AMY2B: variants seen among roughly 807,000 people sequenced by gnomAD.
The protein encoded by AMY2B is alpha-amylase 2B.
In AMY2B, 63 loss-of-function variants were observed where a neutral mutation model predicts 59.3. The observed-to-expected ratio is 1.06, with a 90% CI of 0.87 to 1.31. The LOEUF (loss-of-function observed/expected upper bound fraction) is 1.31. Among genes scored for constraint, AMY2B ranks in the 50% most tolerant of loss-of-function variants. The pLI, the probability that AMY2B is intolerant of heterozygous loss-of-function variation, is 0.00. For synonymous variants in AMY2B, 180 were observed against 198.1 expected (o/e 0.91, Z 0.77); for missense variants, 635 against 626.7 (o/e 1.01, Z -0.14).
upstream of AMY2B, chr1:103,554,655 G>A (rs948293350): frequency 8.5e-5 from 13 of 152,456 alleles, no homozygotes; most frequent in African/African-American, 1.4e-4. Context: ...AAAATGATTA[G>A]GTACCTAGTA....
At chr1:103,573,668 G>C (rs751575730) in intron 3 of AMY2B, 40 bp from the exon 4 acceptor site, 1 of 1,610,842 alleles carries the variant, frequency 6.2e-7, no homozygotes, top group East Asian at 2.2e-5. Flanking sequence ...TGTGAAAAAT[G>C]AGGTTTTATG....
intron 1 of AMY2B, among the ~76,000 whole-genome samples, chr1:103,559,817 G>A (rs151255562): frequency 1.3e-5 from 2 of 152,072 alleles, no homozygotes; most frequent in African/African-American, 2.4e-5. Flanking sequence ...GTGACAAAAG[G>A]TACTATAATA....
At chr1:103,571,124 CAAGCCATA>C, upstream of AMY2B, 1 of 962,598 alleles carries the variant, frequency 1.0e-6, no homozygotes, top group Non-Finnish European at 1.3e-6. Context: ...TTGGAAAGTC[CAAGCCATA>C]GGACCCAGTT....
At chr1:103,565,219 G>A (rs1651869223) in intron 1 of AMY2B, 1 of 152,184 alleles carries the variant, frequency 6.6e-6, no homozygotes, top group Non-Finnish European at 1.5e-5. Flanking sequence ...ATCTACAGAT[G>A]CTCAAGTGCC....
chr1:103,570,833 G>C (rs181682266), upstream of AMY2B: 2 of 417,706 alleles, frequency 4.8e-6, no homozygotes, highest in East Asian at 6.9e-5. Flanking sequence ...ATCAGCACTG[G>C]ATTGTAGAAC....
chr1:103,567,547 C>G (rs1384201282), upstream of AMY2B, among the ~76,000 whole-genome samples: 3 of 152,122 alleles, frequency 2.0e-5, no homozygotes, highest in African/African-American at 7.2e-5. Flanking sequence ...TGAAATATAC[C>G]TTGTCTATGC....
chr1:103,574,039 C>T, intron 4 of AMY2B, 101 bp downstream of exon 4: 1 of 1,583,584 alleles, frequency 6.3e-7, no homozygotes, highest in Non-Finnish European at 8.6e-7. Flanking sequence ...AGGACTGAGT[C>T]ATTTATATAA....
At position 103,579,447 on chromosome 1, in the gene AMY2B, A is replaced by C; in HGVS notation, c.1483A>C (p.Ser495Arg). 1.2e-6 allele frequency: 2 copies of C among 1,611,754 alleles called. No homozygotes were observed. Among genetic ancestry groups the C allele is most frequent in the Non-Finnish European group, 1.7e-6 (2 of 1,179,684 alleles). ...CGATGGCAAAGCTCATTTTTCTATT[A>C]GTAACTCTGCTGAGGATCCATTTAT... is the stretch of plus-strand genomic sequence containing the variant. ...SDDGKAHFSISNSAEDPFIAI... is the reference protein window; with the variant it reads ...SDDGKAHFSIRNSAEDPFIAI... Residue 495 changes from serine to arginine, a missense_variant, in exon 10 of 10, where the codon AGT (serine) becomes CGT (arginine). Transcript: ENST00000684275.
At chr1:103,572,013 C>G in intron 1 of AMY2B, 97 bp from the exon 2 acceptor site, 1 of 1,583,758 alleles carries the variant, frequency 6.3e-7, no homozygotes, top group Non-Finnish European at 8.6e-7. Flanking sequence ...CTGCATATAC[C>G]AAGATTCAAG....
chr1:103,559,929 G>T (rs1281016558), intron 1 of AMY2B, among the ~76,000 whole-genome samples: 2 of 152,062 alleles, frequency 1.3e-5, no homozygotes, highest in African/African-American at 4.8e-5. Context: ...TTAGTCTACA[G>T]AATTACCTAT....
intron 6 of AMY2B, 31 bp downstream of exon 6, chr1:103,575,376 C>A: frequency 6.2e-7 from 1 of 1,612,510 alleles, no homozygotes; most frequent in Middle Eastern, 1.7e-4. Flanking sequence ...TTTTTTTTAA[C>A]ACATCTTTTA....
At chr1:103,574,761 A>T (rs900981198) in intron 5 of AMY2B, among the ~76,000 whole-genome samples, 1 of 151,650 alleles carries the variant, frequency 6.6e-6, no homozygotes, top group Non-Finnish European at 1.5e-5. Context: ...TATTATATGA[A>T]TTAAAAATAT....
At chr1:103,561,099 G>A (rs1421344742) in intron 1 of AMY2B, among the ~76,000 whole-genome samples, 1 of 152,072 alleles carries the variant, frequency 6.6e-6, no homozygotes, top group East Asian at 1.9e-4. Flanking sequence ...GTAACTATAT[G>A]TTGTTAGTGG....
At position 103,573,267 on chromosome 1, in the gene AMY2B, T is replaced by G; in HGVS notation, c.513+7T>G. The G allele has an allele frequency of 6.2e-7, 1 of 1,613,456 alleles. No homozygotes were observed. Among genetic ancestry groups the G allele is most frequent in the Non-Finnish European group, 8.5e-7 (1 of 1,179,538 alleles). On this transcript the variant is annotated splice_region_variant and intron_variant, in intron 3 of 9. Transcript: ENST00000684275. Reference sequence around the variant, plus strand: ...CTACAATGATGCTACTCAGGTAAATTTTTTTATGAGAGTCATCTGAATAAG... The same window carrying G: ...CTACAATGATGCTACTCAGGTAAATGTTTTTATGAGAGTCATCTGAATAAG...
chr1:103,572,463 T>A (rs1329057292), intron 2 of AMY2B, among the ~76,000 whole-genome samples: 1 of 152,212 alleles, frequency 6.6e-6, no homozygotes, highest in African/African-American at 2.4e-5. Context: ...GAAACAAGTT[T>A]AAAGCAGAAT....
intron 1 of AMY2B, among the ~76,000 whole-genome samples, chr1:103,557,030 A>G (rs1372517404): frequency 6.6e-6 from 1 of 151,996 alleles, no homozygotes; most frequent in Non-Finnish European, 1.5e-5. Context: ...TTCAAGAAGA[A>G]TAGAGTTCTC....
upstream of AMY2B, chr1:103,570,417 C>T (rs1047292871): frequency 1.3e-5 from 11 of 874,746 alleles, no homozygotes; most frequent in Admixed American, 1.8e-5. Context: ...CGTGGACATC[C>T]GCAAAGACCT....
At position 103,573,102 on chromosome 1, in the gene AMY2B, G is replaced by T; in HGVS notation, c.355G>T (p.Gly119Cys). 3 of 1,613,716 alleles carry T rather than the reference G, an allele frequency of 1.9e-6. No homozygotes were observed. The highest frequency in any genetic ancestry group is 2.5e-6 in the Non-Finnish European group (3 of 1,179,708). Residue 119 changes from glycine to cysteine, a missense_variant, in exon 3 of 10, where the codon GGT becomes TGT. Physicochemically the swap from Gly to Cys is radical, Grantham distance 159. Transcript: ENST00000684275. ...GGATGCTGTAATTAATCATATGTCT[G>T]GTAATGCTGTGAGTGCAGGAACAAG... ...YVDAVINHMS[G>C]NAVSAGTSST...
rs774187619 is a variant in AMY2B, at chr1:103,575,480, T to G, written c.1041T>G (p.Pro347=). The G allele has an allele frequency of 2.5e-6, 4 of 1,613,792 alleles. No homozygotes were observed. In the Admixed American group the frequency reaches 6.7e-5, roughly 27 times the overall value. The part of the protein sequence containing the change: ...KMAVGFMLAH[P]YGFTRVMSSY... ...CAGTTGGATTTATGCTTGCTCATCCTTATGGTTTTACACGAGTAATGTCAA... is the reference window on the plus strand; with the variant it reads ...CAGTTGGATTTATGCTTGCTCATCCGTATGGTTTTACACGAGTAATGTCAA... Residue 347 remains proline, a synonymous_variant, in exon 7 of 10, where the codon CCT becomes CCG. Coordinates refer to ENST00000684275, the MANE Select transcript of AMY2B (RefSeq NM_001387437.1).
Sources: gnomAD v4.1 joint callset for allele counts (sites outside exome capture counted in the v4.1 genomes callset) on GRCh38, gnomAD v4.1.1 for gene constraint, MANE v1.5 for transcripts, NCBI Gene and HGNC (gene_info 2026-07-23, HGNC 2026-07-21) for gene names.